PDZD9: variants seen among roughly 807,000 people sequenced by gnomAD.
The protein encoded by PDZD9 is PDZ domain containing 9.
A neutral mutation model predicts 16.3 loss-of-function variants in PDZD9; 13 were observed. The observed-to-expected ratio is 0.80, with a 90% CI of 0.52 to 1.27. PDZD9 has a LOEUF of 1.27. Among genes scored for constraint, PDZD9 ranks in the 50% most tolerant of loss-of-function variants. PDZD9 has a pLI of 0.00. For synonymous variants in PDZD9, 120 were observed against 111.0 expected (o/e 1.08, Z -0.51); for missense variants, 288 against 310.9 (o/e 0.93, Z 0.55).
downstream of PDZD9, among the ~76,000 whole-genome samples, chr16:21,981,698 G>C (rs959575335): frequency 5.9e-5 from 9 of 151,792 alleles, no homozygotes; most frequent in Non-Finnish European, 1.0e-4. Context: ...GGGAGGCAGA[G>C]GTTGCAGCGA....
At chr16:21,958,551 C>A in the PDZD9 span, 1 of 1,612,476 alleles carries the variant, frequency 6.2e-7, no homozygotes, top group Non-Finnish European at 8.5e-7. Flanking sequence ...AAAGGAGCTT[C>A]ATCTTTCAAG....
chr16:21,988,685 C>T lies in PDZD9; in HGVS notation c.318G>A (p.Lys106=). ...GAATGTTAATAAAATCTCGGTAAAC[C>T]TTGATTTGTAGCACTGTTCCAATAG... is the stretch of plus-strand genomic sequence containing the variant. ...HITIGTVLQI[K]VYRDFINIPE... is the part of the protein sequence containing the mutation. Residue 106 remains lysine (K), a synonymous_variant, in exon 3 of 4, where the codon AAG becomes AAA. Coordinates refer to ENST00000424898, the MANE Select transcript of PDZD9 (RefSeq NM_001363519.1). 1 of 1,613,294 alleles carries T rather than the reference C, an allele frequency of 6.2e-7. No individual in the cohort carries two copies. Among genetic ancestry groups the T allele is most frequent in the Non-Finnish European group, 8.5e-7 (1 of 1,179,500 alleles).
chr16:21,984,240 A>G lies in PDZD9; in HGVS notation c.*27T>C, dbSNP rs1390906736. On this transcript the variant is annotated 3_prime_UTR_variant, in exon 4 of 4. Coordinates refer to ENST00000424898, the MANE Select transcript of PDZD9 (RefSeq NM_001363519.1). ...GGCACAAAACTTGGGTGTCTGCAAG[A>G]TAAATGCTCATATGACCACAGATTT... The G allele has an allele frequency of 1.9e-6, 3 of 1,580,674 alleles. No homozygotes were observed. The South Asian group carries it at 3.5e-5, about 18-fold the overall frequency.
downstream of PDZD9, among the ~76,000 whole-genome samples, chr16:21,982,749 G>T (rs1898763247): frequency 6.6e-6 from 1 of 152,154 alleles, no homozygotes; most frequent in Admixed American, 6.5e-5. Flanking sequence ...TGGATCACTT[G>T]AGGCTAGGAG....
chr16:21,962,320 G>A, the PDZD9 span: 1 of 960,684 alleles, frequency 1.0e-6, no homozygotes, highest in African/African-American at 1.7e-5. Flanking sequence ...TGGTTAATAT[G>A]TGGAGTTTTG....
chr16:21,975,172 G>C, the PDZD9 span, among the ~76,000 whole-genome samples: 3 of 152,172 alleles, frequency 2.0e-5, no homozygotes, highest in Non-Finnish European at 4.4e-5. Flanking sequence ...AGAAGTATGA[G>C]GAGATAGCAA....
chr16:21,957,808 C>T, the PDZD9 span, among the ~76,000 whole-genome samples: 5 of 152,304 alleles, frequency 3.3e-5, no homozygotes, highest in Middle Eastern at 3.4e-3. Flanking sequence ...TCTAAAGGTT[C>T]TAGGAAGGCA....
At chr16:21,983,275 G>T, downstream of PDZD9, 3 of 1,049,346 alleles carry the variant, frequency 2.9e-6, no homozygotes, top group Non-Finnish European at 4.2e-6. Context: ...CTTTTTTCCA[G>T]TGAGGTAAAA....
chr16:21,965,400 T>C, the PDZD9 span: 7 of 1,613,438 alleles, frequency 4.3e-6, no homozygotes, highest in Middle Eastern at 1.7e-4. Flanking sequence ...TCTTCACTTA[T>C]CTCACAGATG....
At chr16:21,960,005 A>T in the PDZD9 span, among the ~76,000 whole-genome samples, 1 of 152,216 alleles carries the variant, frequency 6.6e-6, no homozygotes, top group East Asian at 1.9e-4. Flanking sequence ...ATTTAGCATA[A>T]TTCCTAAGGG....
chr16:21,989,482 T>A (rs1469228937), intron 2 of PDZD9, among the ~76,000 whole-genome samples: 4 of 152,178 alleles, frequency 2.6e-5, no homozygotes, highest in Non-Finnish European at 5.9e-5. Context: ...AAAAACCACT[T>A]ACACTAAGTG....
chr16:21,962,661 A>G, the PDZD9 span: 1 of 1,595,582 alleles, frequency 6.3e-7, no homozygotes, highest in Non-Finnish European at 8.6e-7. Flanking sequence ...GCTTACCACA[A>G]GACCTAAAGT....
At chr16:21,986,975 CA>C (rs1426447312) in intron 3 of PDZD9, among the ~76,000 whole-genome samples, 1 of 152,162 alleles carries the variant, frequency 6.6e-6, no homozygotes, top group Non-Finnish European at 1.5e-5. Flanking sequence ...ATGGGGAAAG[CA>C]GTATGAGTTG....
At chr16:21,989,100 GTT>G (rs916261872) in intron 2 of PDZD9, among the ~76,000 whole-genome samples, 1 of 139,840 alleles carries the variant, frequency 7.2e-6, no homozygotes. Context: ...GGCTAATTTT[GTT>G]TTTTTTTTTT....
the PDZD9 span, chr16:21,976,370 ACATACCC>A: frequency 1.2e-5 from 9 of 777,172 alleles, no homozygotes; most frequent in Non-Finnish European, 1.9e-5. Flanking sequence ...AAAAAGGGAA[ACATACCC>A]ATATCCTACC....
At chr16:21,997,784 A>G (rs947889771) in intron 1 of PDZD9, among the ~76,000 whole-genome samples, 1 of 152,236 alleles carries the variant, frequency 6.6e-6, no homozygotes, top group African/African-American at 2.4e-5. Flanking sequence ...TTCGGTACAC[A>G]GGAAGCTCCT....
chr16:21,958,523 T>G, the PDZD9 span: 1 of 1,611,996 alleles, frequency 6.2e-7, no homozygotes, highest in East Asian at 2.2e-5. Context: ...TAATCATTCT[T>G]TCTTTTTCAA....
chr16:22,000,719 G>A (rs1034057760), intron 1 of PDZD9, among the ~76,000 whole-genome samples: 1 of 152,018 alleles, frequency 6.6e-6, no homozygotes, highest in African/African-American at 2.4e-5. Context: ...AGCTACTCGG[G>A]AGGCTAAGGC....
chr16:21,963,298 A>C, the PDZD9 span: 1 of 153,030 alleles, frequency 6.5e-6, no homozygotes, highest in African/African-American at 2.4e-5. Context: ...TGCCTGGCCA[A>C]ATGTTTTACT....
Sources: allele counts gnomAD v4.1 joint callset (sites outside exome capture counted in the v4.1 genomes callset), GRCh38; gene constraint gnomAD v4.1.1; transcripts MANE v1.5; gene names NCBI Gene and HGNC (gene_info 2026-07-23, HGNC 2026-07-21).